The following MCM9 variants were observed in gnomAD, a reference collection of about 807,000 sequenced individuals.
MCM9 encodes the protein DNA helicase MCM9.
MCM9 carries 55 observed loss-of-function variants against 72.8 expected under a neutral mutation model. That is an observed-to-expected ratio of 0.76 (90% CI 0.61 to 0.95). MCM9 has a LOEUF of 0.95. Ranked by LOEUF, MCM9 falls within the 40% of genes least tolerant of loss-of-function variation. The pLI, the probability that MCM9 is intolerant of heterozygous loss-of-function variation, is 0.00. For synonymous variants in MCM9, 480 were observed against 503.4 expected (o/e 0.95, Z 0.62); for missense variants, 1,279 against 1,377.0 (o/e 0.93, Z 1.13).
intron 9 of MCM9, among the ~76,000 whole-genome samples, chr6:118,831,074 C>T (rs1344011846): frequency 6.6e-6 from 1 of 152,106 alleles, no homozygotes; most frequent in African/African-American, 2.4e-5. Flanking sequence ...CCTAAGGTAA[C>T]TGGGGGAATT....
At chr6:118,866,345 G>T (rs1448145661) in intron 8 of MCM9, among the ~76,000 whole-genome samples, 1 of 152,100 alleles carries the variant, frequency 6.6e-6, no homozygotes, top group East Asian at 1.9e-4. Flanking sequence ...CCAAAGAAAA[G>T]AATATGGTAA....
intron 13 of MCM9, among the ~76,000 whole-genome samples, chr6:118,818,640 A>G (rs1773575700): frequency 6.6e-6 from 1 of 152,196 alleles, no homozygotes; most frequent in South Asian, 2.1e-4. Flanking sequence ...TGAAATTTAA[A>G]GTAGTTTTTC....
rs770120514 is a variant in MCM9 at position 118,924,039 on chromosome 6, A to C, written c.393T>G (p.Ile131Met). Reference protein sequence around the residue: ...GHFLSVTGTVIRTSLVKVLEF... With the variant: ...GHFLSVTGTVMRTSLVKVLEF... ...CCAGAACCTTCACCAGACTTGTTCG[A>C]ATCACTGTCCCAGTGACAGATAAAA... The change falls in exon 4 of 14, where the codon ATT becomes ATG. Residue 131 changes from isoleucine to methionine, a missense_variant. Coordinates refer to ENST00000619706, the MANE Select transcript of MCM9 (RefSeq NM_017696.3). 27 of 1,614,108 alleles carry C rather than the reference A, an allele frequency of 1.7e-5. No homozygotes were observed. In the South Asian group the frequency reaches 2.7e-4, roughly 16 times the overall value.
intron 8 of MCM9, among the ~76,000 whole-genome samples, chr6:118,896,282 C>G (rs1038539299): frequency 6.6e-6 from 1 of 152,002 alleles, no homozygotes; most frequent in Non-Finnish European, 1.5e-5. Flanking sequence ...TTATTGCCAA[C>G]TGCATATAAA....
At chr6:118,817,017 T>A (rs906435078) in intron 13 of MCM9, among the ~76,000 whole-genome samples, 1 of 152,154 alleles carries the variant, frequency 6.6e-6, no homozygotes, top group Non-Finnish European at 1.5e-5. Flanking sequence ...ATCTATTTAC[T>A]TTCTACGAAT....
chr6:118,827,812 T>G, intron 11 of MCM9, 115 bp downstream of exon 11: 8 of 961,252 alleles, frequency 8.3e-6, no homozygotes, highest in South Asian at 1.7e-5. Context: ...TAAGTGACTA[T>G]GAGCACCTTA....
chr6:118,877,631 T>C (rs983833089), intron 8 of MCM9, among the ~76,000 whole-genome samples: 2 of 152,300 alleles, frequency 1.3e-5, no homozygotes, highest in East Asian at 1.9e-4. Flanking sequence ...GGAAAAGAGT[T>C]TGGCAATATC....
intron 6 of MCM9, among the ~76,000 whole-genome samples, chr6:118,915,860 C>T (rs933160237): frequency 1.2e-4 from 19 of 152,172 alleles, no homozygotes; most frequent in African/African-American, 4.6e-4. Context: ...ATAAATGGCT[C>T]ATGCAACAGT....
At chr6:118,823,922 A>G (rs985138275) in intron 13 of MCM9, among the ~76,000 whole-genome samples, 3 of 151,958 alleles carry the variant, frequency 2.0e-5, no homozygotes, top group South Asian at 2.1e-4. Flanking sequence ...AAAAATACAA[A>G]ATAAAAACAT....
At chr6:118,930,867 C>T (rs986312913) in intron 3 of MCM9, among the ~76,000 whole-genome samples, 1 of 152,158 alleles carries the variant, frequency 6.6e-6, no homozygotes, top group African/African-American at 2.4e-5. Context: ...GGCAAGGACT[C>T]CTAGAGGCAG....
chr6:118,868,680 G>A (rs566501908), intron 8 of MCM9, among the ~76,000 whole-genome samples: 1 of 152,112 alleles, frequency 6.6e-6, no homozygotes, highest in Non-Finnish European at 1.5e-5. Context: ...CATCATCACT[G>A]GTCATTAGAG....
At chr6:118,888,175 T>G (rs965947814) in intron 8 of MCM9, among the ~76,000 whole-genome samples, 2 of 151,924 alleles carry the variant, frequency 1.3e-5, no homozygotes, top group Non-Finnish European at 2.9e-5. Flanking sequence ...GAATGTAAAA[T>G]GGTACACCTG....
At chr6:118,934,211 C>A (rs1367016297) in intron 1 of MCM9, among the ~76,000 whole-genome samples, 5 of 152,192 alleles carry the variant, frequency 3.3e-5, no homozygotes, top group African/African-American at 1.2e-4. Flanking sequence ...AACATCTATG[C>A]AAAACTGACT....
chr6:118,907,519 C>G lies in MCM9; in HGVS notation c.1150+4131G>C. On this transcript the variant is annotated intron_variant, in intron 8 of 13. Coordinates refer to ENST00000619706, the MANE Select transcript of MCM9 (RefSeq NM_017696.3). ...CAGTAATCCAAATCTACAGTCACTT[C>G]TTTCAACAGATGCATTACCTTCAGC... The G allele has an allele frequency of 1.9e-6, 3 of 1,613,644 alleles. No homozygotes were observed. The highest frequency in any genetic ancestry group is 2.5e-6 in the Non-Finnish European group (3 of 1,179,662).
At chr6:118,824,860 TC>T (rs1774059704) in intron 13 of MCM9, among the ~76,000 whole-genome samples, 1 of 152,270 alleles carries the variant, frequency 6.6e-6, no homozygotes, top group East Asian at 1.9e-4. Context: ...TTTGTTGCTT[TC>T]AGGAGGATCA....
At chr6:118,868,497 G>T (rs1277909911) in intron 8 of MCM9, among the ~76,000 whole-genome samples, 1 of 151,982 alleles carries the variant, frequency 6.6e-6, no homozygotes. Flanking sequence ...TACAGAATGG[G>T]AGAAAATTTT....
rs1284168944 is a variant in MCM9 at position 118,829,207 on chromosome 6, T to C, written c.1369A>G (p.Thr457Ala). The change falls in exon 10 of 14, where the codon ACG becomes GCG. Residue 457 changes from threonine to alanine, a missense_variant. Thr to Ala is a moderately conservative substitution (Grantham distance 58). Transcript: ENST00000619706. The stretch of plus-strand genomic sequence containing the variant: ...GGGTCGTACTGGCCTTTGGGGTTCG[T>C]TGCTGCCAGGATGGTGGTCCTTGTG... ...LNTRTTILAA[T>A]NPKGQYDPQE... The C allele has an allele frequency of 1.3e-6, 2 of 1,550,672 alleles. No homozygotes were observed. Among genetic ancestry groups the C allele is most frequent in the Admixed American group, 2.0e-5 (1 of 50,978 alleles).
intron 8 of MCM9, among the ~76,000 whole-genome samples, chr6:118,903,779 G>T (rs969693904): frequency 2.0e-5 from 3 of 152,186 alleles, no homozygotes; most frequent in African/African-American, 7.2e-5. Flanking sequence ...TAGAGATGGG[G>T]TTTCGCCATG....
In MCM9 at chr6:118,816,282, C is replaced by T. The variant is rs78791427; in HGVS notation, c.1974G>A (p.Gln658=). 1.1e-4 allele frequency: 171 copies of T among 1,535,536 alleles called. No homozygotes were observed. Among genetic ancestry groups the T allele is most frequent in the Non-Finnish European group, 1.5e-4 (170 of 1,139,020 alleles). ...CCCGTGGTTGGGATTGGTGCACACT[C>T]TGATTCTGTAACCTGTAGCAAAGAC... ...ELRRLERLQN[Q]SVHQSQPRVL... The change falls in exon 14 of 14, where the codon CAG becomes CAA. Residue 658 remains glutamine (Q), a synonymous_variant. Transcript: ENST00000619706.
Sources: gnomAD v4.1 joint callset for allele counts (sites outside exome capture counted in the v4.1 genomes callset) on GRCh38, gnomAD v4.1.1 for gene constraint, MANE v1.5 for transcripts, NCBI Gene and HGNC (gene_info 2026-07-23, HGNC 2026-07-21) for gene names.